The following ETF1 variants were observed in gnomAD, a reference collection of about 807,000 sequenced individuals.
The protein encoded by ETF1 is eukaryotic translation termination factor 1.
Under a neutral mutation model 55.1 loss-of-function variants are expected in ETF1, and 4 were observed. That is an observed-to-expected ratio of 0.07 (90% CI 0.04 to 0.17). ETF1 has a LOEUF of 0.17. Ranked by LOEUF, ETF1 falls within the 10% of genes least tolerant of loss-of-function variation. The probability of loss-of-function intolerance (pLI) is 1.00; values close to 1 mark genes in which losing one functional copy is unlikely to be tolerated. For missense variants in ETF1, 142 were observed against 523.6 expected (o/e 0.27, Z 7.11); for synonymous variants, 157 against 182.3 (o/e 0.86, Z 1.12).
At chr5:138,529,288 A>G (rs972283487) in intron 2 of ETF1, among the ~76,000 whole-genome samples, 3 of 152,238 alleles carry the variant, frequency 2.0e-5, no homozygotes, top group African/African-American at 7.2e-5. Flanking sequence ...CAGTTTGTGT[A>G]AACACCCAAA....
At chr5:138,510,716 A>G in intron 8 of ETF1, 87 bp from the exon 9 acceptor site, 4 of 1,531,646 alleles carry the variant, frequency 2.6e-6, no homozygotes, top group Non-Finnish European at 1.8e-6. Context: ...AGATGAGAAA[A>G]GGGCTCAGGG....
chr5:138,535,075 C>T (rs953586379), intron 2 of ETF1, among the ~76,000 whole-genome samples: 12 of 151,060 alleles, frequency 7.9e-5, no homozygotes, highest in African/African-American at 2.4e-4. Context: ...CTCAGCCTCC[C>T]GAGTAGCTGG....
At chr5:138,540,132 T>C (rs1434419693) in intron 2 of ETF1, among the ~76,000 whole-genome samples, 3 of 152,334 alleles carry the variant, frequency 2.0e-5, no homozygotes, top group Admixed American at 6.5e-5. Context: ...CATAGGATTA[T>C]CTTAATTTCA....
At position 138,543,144 on chromosome 5, in the gene ETF1, G is replaced by A; in HGVS notation, c.-66C>T. On this transcript the variant is annotated 5_prime_UTR_variant, in exon 1 of 11. Coordinates refer to ENST00000360541, the MANE Select transcript of ETF1 (RefSeq NM_004730.4). ...CAGCGGCTGCTCCTCCCCGGCGGCG[G>A]CTCCGCGGCGGCGGCGGCTCTGACG... is the stretch of plus-strand genomic sequence containing the variant. The A allele has an allele frequency of 1.7e-6, 1 of 577,944 alleles. No homozygotes were observed. 35.8% of individuals were successfully genotyped at this position (577,944 alleles called of 1,614,324 possible). A position where few individuals can be genotyped will look rare whatever the true frequency, so the allele number is the denominator to read the frequency against.
At chr5:138,525,818 C>T (rs7713333) in intron 2 of ETF1, among the ~76,000 whole-genome samples, 68,271 of 151,444 alleles carry the variant, frequency 0.45, 16,737 homozygotes, top group East Asian at 0.8. Context: ...TGGTGGCACA[C>T]GCCTATAATC....
intron 2 of ETF1, among the ~76,000 whole-genome samples, chr5:138,540,506 G>A (rs1414667368): frequency 6.6e-6 from 1 of 152,132 alleles, no homozygotes; most frequent in Non-Finnish European, 1.5e-5. Flanking sequence ...AACACAAGTT[G>A]GCAATGAAAA....
In ETF1 at chr5:138,507,891, A is replaced by T. The variant is rs575971765; in HGVS notation, c.*414T>A. 1.3e-5 allele frequency: 2 copies of T among 159,596 alleles called. No individual in the cohort carries two copies. The highest frequency in any genetic ancestry group is 4.8e-5 in the African/African-American group (2 of 41,598). The allele number at this position is 159,596 out of a possible 1,614,324, so 9.9% of individuals were successfully genotyped here. On this transcript the variant is annotated 3_prime_UTR_variant, in exon 11 of 11. Transcript: ENST00000360541. Reference sequence around the variant, plus strand: ...AGCAATTTAATTTTTCTCCAATCAAAATAAGAAACAAACCAGTATGATCTC... The same window carrying T: ...AGCAATTTAATTTTTCTCCAATCAATATAAGAAACAAACCAGTATGATCTC...
chr5:138,537,926 CTT>C (rs1766010278), intron 2 of ETF1, among the ~76,000 whole-genome samples: 1 of 110,444 alleles, frequency 9.1e-6, no homozygotes, highest in Non-Finnish European at 1.8e-5. Flanking sequence ...GAGTTTTGCT[CTT>C]GTTGCCCAGG....
At chr5:138,514,548 A>G (rs952444014) in intron 4 of ETF1, among the ~76,000 whole-genome samples, 1 of 151,890 alleles carries the variant, frequency 6.6e-6, no homozygotes, top group Non-Finnish European at 1.5e-5. Flanking sequence ...CTCAAAAAAC[A>G]AAAAAACTTT....
chr5:138,511,281 A>G lies in ETF1; in HGVS notation c.863-81T>C. ...AACACACCTATTCGACCTAATGACT[A>G]AAGAAGATAAAAAATAATGCTTTTA... On this transcript the variant is annotated intron_variant, in intron 7 of 10. Transcript: ENST00000360541. 4 of 1,553,794 alleles carry G rather than the reference A, an allele frequency of 2.6e-6. No individual in the cohort carries two copies. In the East Asian group the frequency reaches 6.8e-5, roughly 26 times the overall value.
chr5:138,533,125 G>A (rs557745688), intron 2 of ETF1, among the ~76,000 whole-genome samples: 12 of 151,628 alleles, frequency 7.9e-5, no homozygotes, highest in Non-Finnish European at 1.0e-4. Context: ...TTTTTAGTAC[G>A]GAAAGGGTTT....
At chr5:138,519,180 A>G (rs1765135573) in intron 2 of ETF1, 1 of 985,032 alleles carries the variant, frequency 1.0e-6, no homozygotes, top group African/African-American at 1.7e-5. Flanking sequence ...AGGAGTGTCA[A>G]CAGGCTGGAA....
chr5:138,541,594 T>A (rs368283209), intron 2 of ETF1: 1 of 1,531,538 alleles, frequency 6.5e-7, no homozygotes, highest in East Asian at 2.4e-5. Flanking sequence ...TTGGAGGGGC[T>A]GTCATTCTAA....
intron 2 of ETF1, chr5:138,541,567 C>G (rs1470586413): frequency 6.5e-7 from 1 of 1,535,120 alleles, no homozygotes; most frequent in African/African-American, 1.4e-5. Context: ...TTTCATATAA[C>G]AGTAATAATG....
chr5:138,522,836 C>T (rs759991386), intron 2 of ETF1, among the ~76,000 whole-genome samples: 1 of 152,036 alleles, frequency 6.6e-6, no homozygotes, highest in African/African-American at 2.4e-5. Flanking sequence ...GAAACCCCAT[C>T]TCTACTAAAA....
chr5:138,515,328 G>C (rs534990989), intron 4 of ETF1, among the ~76,000 whole-genome samples: 1 of 152,324 alleles, frequency 6.6e-6, no homozygotes, highest in South Asian at 2.1e-4. Flanking sequence ...AGGAGGCTGA[G>C]GCAGGACAAT....
At chr5:138,532,389 C>T (rs1036140360) in intron 2 of ETF1, among the ~76,000 whole-genome samples, 1 of 152,196 alleles carries the variant, frequency 6.6e-6, no homozygotes, top group African/African-American at 2.4e-5. Context: ...CCCTGTGGGT[C>T]TGTTTCTACT....
intron 2 of ETF1, among the ~76,000 whole-genome samples, chr5:138,534,845 T>C (rs1561845004): frequency 6.6e-6 from 1 of 152,196 alleles, no homozygotes; most frequent in East Asian, 1.9e-4. Flanking sequence ...ATTTACTCCC[T>C]GTATGTACTT....
chr5:138,521,951 TG>T (rs1765250529), intron 2 of ETF1, among the ~76,000 whole-genome samples: 1 of 152,250 alleles, frequency 6.6e-6, no homozygotes, highest in Admixed American at 6.5e-5. Context: ...AAAGGATTCC[TG>T]TAAGTTTCAT....
Sources: gnomAD v4.1 joint callset for allele counts (sites outside exome capture counted in the v4.1 genomes callset) on GRCh38, gnomAD v4.1.1 for gene constraint, MANE v1.5 for transcripts, NCBI Gene and HGNC (gene_info 2026-07-23, HGNC 2026-07-21) for gene names.